Variants in ACYP2 observed in about 807,000 individuals in gnomAD.
The protein encoded by ACYP2 is acylphosphatase-2.
A neutral mutation model predicts 11.2 loss-of-function variants in ACYP2; 12 were observed. That is an observed-to-expected ratio of 1.08 (90% CI 0.69 to 1.74). ACYP2 has a LOEUF of 1.74. Ranked by LOEUF, ACYP2 falls within the 40% of genes most tolerant of loss-of-function variation. The pLI is 0.00. For missense variants in ACYP2, 134 were observed against 101.9 expected, an observed-to-expected ratio of 1.31 and a Z score of -1.35; for synonymous variants, 43 against 32.2, an observed-to-expected ratio of 1.33 and a Z score of -1.13.
intron 4 of ACYP2, among the ~76,000 whole-genome samples, chr2:54,068,696 T>C (rs1489157095): frequency 1.3e-5 from 2 of 152,124 alleles, no homozygotes; most frequent in Non-Finnish European, 2.9e-5. Flanking sequence ...ACATGAGTTG[T>C]TTTCTGCTAC....
intron 2 of ACYP2, among the ~76,000 whole-genome samples, chr2:54,012,104 C>T (rs1037494680): frequency 3.3e-5 from 5 of 151,994 alleles, no homozygotes; most frequent in African/African-American, 7.2e-5. Context: ...GGCGTGGTGG[C>T]GTGTGCCTGT....
chr2:53,974,189 C>T (rs1671348407), intron 2 of ACYP2, among the ~76,000 whole-genome samples: 2 of 151,910 alleles, frequency 1.3e-5, no homozygotes, highest in South Asian at 4.1e-4. Flanking sequence ...GTTGGGATTA[C>T]AGGCTTGAGC....
intron 3 of ACYP2, among the ~76,000 whole-genome samples, chr2:54,054,443 A>T (rs1390188994): frequency 6.6e-6 from 1 of 152,218 alleles, no homozygotes; most frequent in Non-Finnish European, 1.5e-5. Context: ...AGTCCTTGTG[A>T]TATTCTGCTG....
chr2:54,201,668 T>TTCTTTCTTTCTTTCTTTC (rs1558609076), intron 6 of ACYP2, among the ~76,000 whole-genome samples: 3 of 109,926 alleles, frequency 2.7e-5, no homozygotes, highest in Non-Finnish European at 5.7e-5. Flanking sequence ...CTTTCTTTCT[T>TTCTTTCTTTCTTTCTTTC]TCTTTCTTTC....
intron 6 of ACYP2, among the ~76,000 whole-genome samples, chr2:54,280,449 T>C (rs1229177456): frequency 1.3e-5 from 2 of 152,100 alleles, no homozygotes; most frequent in African/African-American, 4.8e-5. Context: ...AAGCTGCAGC[T>C]TTCATGATAA....
At chr2:54,121,581 G>C (rs531374240) in intron 4 of ACYP2, among the ~76,000 whole-genome samples, 1 of 152,222 alleles carries the variant, frequency 6.6e-6, no homozygotes, top group South Asian at 2.1e-4. Context: ...TGATTTAGAA[G>C]TACACATTTT....
In ACYP2 at chr2:54,041,822, G is replaced by T. The variant is rs776449529; in HGVS notation, c.63-9136G>T. The stretch of plus-strand genomic sequence containing the variant: ...TTTTTTCTTTTTAGAGTGGGGTCTT[G>T]CTCTGTTGCCCACGTTGGAGTACAC... On this transcript the variant is annotated intron_variant, in intron 2 of 6. Coordinates refer to ENST00000607452, the MANE Select transcript of ACYP2 (RefSeq NM_001320586.2). Among the ~76,000 whole-genome samples, 80 of 152,050 alleles carry T rather than the reference G, an allele frequency of 5.3e-4. 1 individual carries two copies. The highest frequency in any genetic ancestry group is 2.3e-3 in the South Asian group (11 of 4,806).
At chr2:54,012,538 A>G (rs1338527892) in intron 2 of ACYP2, among the ~76,000 whole-genome samples, 1 of 152,024 alleles carries the variant, frequency 6.6e-6, no homozygotes, top group Non-Finnish European at 1.5e-5. Flanking sequence ...TCAATAAAGC[A>G]TTTTGTATTT....
chr2:54,253,472 C>A (rs1269604573), intron 6 of ACYP2: 1 of 152,154 alleles, frequency 6.6e-6, no homozygotes, highest in East Asian at 1.9e-4. Context: ...ATAAGTAAGG[C>A]CATATGCAAA....
At chr2:54,081,074 A>C (rs1263659311) in intron 4 of ACYP2, among the ~76,000 whole-genome samples, 1 of 152,206 alleles carries the variant, frequency 6.6e-6, no homozygotes, top group African/African-American at 2.4e-5. Flanking sequence ...AAATAACCTC[A>C]AATACTCTTT....
intron 2 of ACYP2, among the ~76,000 whole-genome samples, chr2:53,981,923 C>A (rs1433309378): frequency 6.6e-6 from 1 of 152,092 alleles, no homozygotes; most frequent in African/African-American, 2.4e-5. Context: ...TTTATTAAAA[C>A]GTTTATTTGA....
At chr2:54,231,356 T>C (rs781022336) in intron 6 of ACYP2, among the ~76,000 whole-genome samples, 1 of 152,218 alleles carries the variant, frequency 6.6e-6, no homozygotes, top group African/African-American at 2.4e-5. Context: ...GAGATACATA[T>C]ACAAAAGAAA....
chr2:54,049,277 A>G (rs1044863898), intron 2 of ACYP2, among the ~76,000 whole-genome samples: 2 of 151,928 alleles, frequency 1.3e-5, no homozygotes, highest in Non-Finnish European at 2.9e-5. Flanking sequence ...AATAATAATA[A>G]TAATGAACTG....
intron 4 of ACYP2, among the ~76,000 whole-genome samples, chr2:54,081,623 C>G (rs920499679): frequency 6.6e-6 from 1 of 152,210 alleles, no homozygotes; most frequent in Non-Finnish European, 1.5e-5. Context: ...ATGAAATTGC[C>G]TAGTGACACA....
intron 6 of ACYP2, among the ~76,000 whole-genome samples, chr2:54,151,366 G>C (rs547068846): frequency 1.1e-4 from 16 of 152,356 alleles, no homozygotes; most frequent in African/African-American, 3.8e-4. Context: ...TTAGTGGCAT[G>C]AATGTCTGTG....
At chr2:54,182,321 G>C (rs1342467036) in intron 6 of ACYP2, among the ~76,000 whole-genome samples, 1 of 151,908 alleles carries the variant, frequency 6.6e-6, no homozygotes, top group East Asian at 1.9e-4. Flanking sequence ...GCCTCCCAAA[G>C]TGCTGGGATT....
chr2:54,266,666 C>T lies in ACYP2; in HGVS notation c.405-38022C>T, dbSNP rs185488232. On this transcript the variant is annotated intron_variant, in intron 6 of 6. Transcript: ENST00000607452. ...TGTTGCCCATGCTGGAGTGCAGTGGCGCGATCTCGGCTCACTGCAAGCTCC... is the reference window on the plus strand; with the variant it reads ...TGTTGCCCATGCTGGAGTGCAGTGGTGCGATCTCGGCTCACTGCAAGCTCC... Among the ~76,000 whole-genome samples, 510 of 126,734 alleles carry T rather than the reference C, an allele frequency of 4.0e-3. 3 individuals carry two copies. Among genetic ancestry groups the T allele is most frequent in the African/African-American group, 0.015 (483 of 33,136 alleles). 83.1% of individuals were successfully genotyped at this position (126,734 alleles called of 152,430 possible). A position where few individuals can be genotyped will look rare whatever the true frequency, so the allele number is the denominator to read the frequency against.
chr2:54,124,774 C>G (rs920764043), intron 4 of ACYP2, among the ~76,000 whole-genome samples: 3 of 152,188 alleles, frequency 2.0e-5, no homozygotes, highest in African/African-American at 7.2e-5. Context: ...GATCACAGCT[C>G]ACTGCAATCT....
Position 54,063,117 on chromosome 2 carries a change from A to G in ACYP2, c.277+5757A>G, listed in dbSNP as rs376806109. On this transcript the variant is annotated intron_variant, in intron 4 of 6. Transcript: ENST00000607452. ...AGGAAATTACAATCCAGTGGGGAAG[A>G]TAGAAAATAATAATAATAATTTATT... 4.7e-4 allele frequency among the ~76,000 whole-genome samples: 71 copies of G among 152,178 alleles called. 1 individual carries two copies. In the South Asian group the frequency reaches 0.014, roughly 31 times the overall value.
Sources: gnomAD v4.1 joint callset for allele counts (sites outside exome capture counted in the v4.1 genomes callset) on GRCh38, gnomAD v4.1.1 for gene constraint, MANE v1.5 for transcripts, NCBI Gene and HGNC (gene_info 2026-07-23, HGNC 2026-07-21) for gene names.